The following MGMT variants were observed in gnomAD, a reference collection of about 807,000 sequenced individuals.
MGMT encodes O-6-methylguanine-DNA methyltransferase.
Under a neutral mutation model 15.9 loss-of-function variants are expected in MGMT, and 14 were observed. The observed-to-expected ratio is 0.88, with a 90% CI of 0.58 to 1.37. MGMT has a LOEUF of 1.37. Ranked by LOEUF, MGMT falls within the 40% of genes most tolerant of loss-of-function variation. The probability of loss-of-function intolerance (pLI) is 0.00; values close to 1 mark genes in which losing one functional copy is unlikely to be tolerated. For missense variants in MGMT, 282 were observed against 268.1 expected, an observed-to-expected ratio of 1.05 and a Z score of -0.36; for synonymous variants, 130 against 118.2, an observed-to-expected ratio of 1.10 and a Z score of -0.65.
At chr10:129,620,798 C>T (rs1347107016) in intron 2 of MGMT, among the ~76,000 whole-genome samples, 1 of 152,140 alleles carries the variant, frequency 6.6e-6, no homozygotes, top group Non-Finnish European at 1.5e-5. Flanking sequence ...TTAATGTACT[C>T]ATCAATAGGT....
At chr10:129,605,196 C>T (rs1281382643) in intron 2 of MGMT, among the ~76,000 whole-genome samples, 2 of 152,164 alleles carry the variant, frequency 1.3e-5, no homozygotes, top group Non-Finnish European at 2.9e-5. Context: ...GGAAATGCAT[C>T]GAGGCCTCAT....
At chr10:129,550,048 C>T (rs1461891533) in intron 2 of MGMT, among the ~76,000 whole-genome samples, 1 of 152,074 alleles carries the variant, frequency 6.6e-6, no homozygotes, top group African/African-American at 2.4e-5. Flanking sequence ...GGAGAAATCC[C>T]TTCTGCCTGT....
intron 2 of MGMT, among the ~76,000 whole-genome samples, chr10:129,656,555 T>C (rs974254136): frequency 6.6e-6 from 1 of 152,214 alleles, no homozygotes; most frequent in Admixed American, 6.5e-5. Flanking sequence ...GAGGTCCTGA[T>C]GACACGTGCC....
chr10:129,471,778 A>AGGATCCTCT (rs1277487754), intron 1 of MGMT, among the ~76,000 whole-genome samples: 1 of 152,152 alleles, frequency 6.6e-6, no homozygotes, highest in Admixed American at 6.5e-5. Context: ...GGAAGGCCTT[A>AGGATCCTCT]GGATCCTCTG....
intron 2 of MGMT, among the ~76,000 whole-genome samples, chr10:129,604,182 A>G (rs1163839861): frequency 6.6e-6 from 1 of 151,822 alleles, no homozygotes. Context: ...TTACCAAAGC[A>G]CTCTCTACGA....
chr10:129,756,377 G>A (rs146184414), intron 3 of MGMT, among the ~76,000 whole-genome samples: 124 of 152,346 alleles, frequency 8.1e-4, no homozygotes, highest in African/African-American at 2.3e-3. Context: ...AGAATGTGGC[G>A]TTCGGAGGCC....
At chr10:129,676,220 G>A (rs772925304) in intron 2 of MGMT, among the ~76,000 whole-genome samples, 1 of 152,204 alleles carries the variant, frequency 6.6e-6, no homozygotes, top group Non-Finnish European at 1.5e-5. Context: ...GGATGTTACT[G>A]AGCCTCCTTC....
At chr10:129,515,942 AT>A (rs1845733882) in intron 1 of MGMT, among the ~76,000 whole-genome samples, 1 of 152,112 alleles carries the variant, frequency 6.6e-6, no homozygotes, top group South Asian at 2.1e-4. Context: ...ATTTTATTTT[AT>A]TTTAATTAAT....
In MGMT at chr10:129,707,845, G is replaced by A. The variant is rs182209148; in HGVS notation, c.126-50G>A. On this transcript the variant is annotated intron_variant, in intron 2 of 4. Coordinates refer to ENST00000651593, the MANE Select transcript of MGMT (RefSeq NM_002412.5). ...CAGTAGGTGTTTGCTTTTCCGATGT[G>A]TGGAGGCAGGGCCCAGAGGTTTACT... The A allele has an allele frequency of 3.7e-6, 6 of 1,605,922 alleles. No individual in the cohort carries two copies. In the Admixed American group the frequency reaches 8.3e-5, roughly 22 times the overall value.
chr10:129,516,038 A>G (rs1845734760), intron 1 of MGMT, among the ~76,000 whole-genome samples: 1 of 152,214 alleles, frequency 6.6e-6, no homozygotes, highest in Non-Finnish European at 1.5e-5. Context: ...TTTGGGTGTG[A>G]GCAGCCTCAC....
At chr10:129,558,641 A>G (rs1326197555) in intron 2 of MGMT, among the ~76,000 whole-genome samples, 1 of 152,082 alleles carries the variant, frequency 6.6e-6, no homozygotes, top group East Asian at 1.9e-4. Flanking sequence ...TGGAAATGGT[A>G]TTACAGTCTT....
chr10:129,741,527 T>C (rs543805960), intron 3 of MGMT, among the ~76,000 whole-genome samples: 2 of 152,088 alleles, frequency 1.3e-5, no homozygotes, highest in South Asian at 2.1e-4. Context: ...GTGGAGGTGG[T>C]GAGTGCTGTG....
chr10:129,520,636 A>G (rs1356887153), intron 1 of MGMT, among the ~76,000 whole-genome samples: 4 of 133,382 alleles, frequency 3.0e-5, no homozygotes, highest in African/African-American at 1.2e-4. Flanking sequence ...CAGAACCCCT[A>G]AAGTGCAGGT....
intron 3 of MGMT, among the ~76,000 whole-genome samples, chr10:129,748,318 C>A (rs778344045): frequency 1.3e-4 from 19 of 151,954 alleles, no homozygotes; most frequent in Non-Finnish European, 2.5e-4. Context: ...TGAGATTATC[C>A]CAGTTTTGGC....
At chr10:129,735,645 G>A (rs1848551478) in intron 3 of MGMT, among the ~76,000 whole-genome samples, 1 of 126,490 alleles carries the variant, frequency 7.9e-6, no homozygotes, top group Admixed American at 8.4e-5. Context: ...TCTTTTAATT[G>A]TGATGTTAGG....
chr10:129,539,248 A>G (rs1846017719), intron 2 of MGMT, among the ~76,000 whole-genome samples: 1 of 151,742 alleles, frequency 6.6e-6, no homozygotes, highest in South Asian at 2.1e-4. Context: ...AGTTTTTTTT[A>G]TGTTTAGATA....
chr10:129,560,017 A>G (rs1224103395), intron 2 of MGMT, among the ~76,000 whole-genome samples: 1 of 152,204 alleles, frequency 6.6e-6, no homozygotes, highest in African/African-American at 2.4e-5. Context: ...AACTCCACTA[A>G]TAAGAAACGG....
chr10:129,708,650 A>G (rs903647335), intron 3 of MGMT, among the ~76,000 whole-genome samples: 1 of 152,254 alleles, frequency 6.6e-6, no homozygotes, highest in Admixed American at 6.5e-5. Flanking sequence ...GGCTCTGCTC[A>G]ATACAGAAAT....
chr10:129,518,715 G>C (rs1209881253), intron 1 of MGMT, among the ~76,000 whole-genome samples: 1 of 148,912 alleles, frequency 6.7e-6, no homozygotes, highest in Non-Finnish European at 1.5e-5. Context: ...AGAATACAGT[G>C]TATAATATGG....
Sources: allele counts gnomAD v4.1 joint callset (sites outside exome capture counted in the v4.1 genomes callset), GRCh38; gene constraint gnomAD v4.1.1; transcripts MANE v1.5; gene names NCBI Gene and HGNC (gene_info 2026-07-23, HGNC 2026-07-21).